The following ATF7 variants were observed in gnomAD, a reference collection of about 807,000 sequenced individuals.
ATF7 encodes cyclic AMP-dependent transcription factor ATF-7.
A neutral mutation model predicts 50.4 loss-of-function variants in ATF7; 10 were observed. The observed-to-expected ratio is 0.20, with a 90% CI of 0.12 to 0.34. ATF7 has a LOEUF of 0.34. Among genes scored for constraint, ATF7 ranks in the 10% least tolerant of loss-of-function variants. ATF7 has a pLI of 1.00. For missense variants in ATF7, 465 were observed against 613.9 expected, an observed-to-expected ratio of 0.76 and a Z score of 2.56; for synonymous variants, 201 against 226.4, an observed-to-expected ratio of 0.89 and a Z score of 1.01.
rs996066445 is a variant in ATF7 at position 53,585,146 on chromosome 12, AT to A, written c.48+15806del. 3.9e-4 allele frequency among the ~76,000 whole-genome samples: 58 copies of A among 149,236 alleles called. No homozygotes were observed. In the South Asian group the frequency reaches 0.01, roughly 26 times the overall value. On this transcript the variant is annotated intron_variant, in intron 2 of 11. Transcript: ENST00000420353. ...CATTACCACACCTGGCTAATTTTTA[AT>A]TTTTTTTTTGTAAGGATGGGGTCTC...
intron 11 of ATF7, among the ~76,000 whole-genome samples, chr12:53,521,477 AC>A (rs1565917084): frequency 6.6e-6 from 1 of 152,148 alleles, no homozygotes; most frequent in African/African-American, 2.4e-5. Flanking sequence ...TGTACCAGGT[AC>A]CTTGCGACTT....
intron 2 of ATF7, among the ~76,000 whole-genome samples, chr12:53,572,839 G>T (rs1461890499): frequency 6.7e-6 from 1 of 150,262 alleles, no homozygotes; most frequent in East Asian, 1.9e-4. Context: ...AGGCTGGAGT[G>T]CAGTGGCACA....
intron 1 of ATF7, among the ~76,000 whole-genome samples, chr12:53,611,929 G>A (rs543711295): frequency 6.6e-6 from 1 of 151,358 alleles, no homozygotes; most frequent in African/African-American, 2.5e-5. Flanking sequence ...AAAAAAAATC[G>A]GAAAGAATAT....
intron 3 of ATF7, among the ~76,000 whole-genome samples, 167 bp from the exon 4 acceptor site, chr12:53,543,615 G>A (rs957042891): frequency 6.6e-6 from 1 of 152,158 alleles, no homozygotes; most frequent in Non-Finnish European, 1.5e-5. Flanking sequence ...GGCTGGTGTA[G>A]GCCACCAGAG....
intron 2 of ATF7, among the ~76,000 whole-genome samples, chr12:53,568,267 A>G (rs1159522340): frequency 6.6e-6 from 1 of 152,196 alleles, no homozygotes; most frequent in Non-Finnish European, 1.5e-5. Flanking sequence ...TAGTACTGTA[A>G]CAGTCAAGCC....
At chr12:53,545,186 G>A (rs1300098674) in intron 3 of ATF7, among the ~76,000 whole-genome samples, 2 of 152,148 alleles carry the variant, frequency 1.3e-5, no homozygotes, top group South Asian at 4.1e-4. Flanking sequence ...AGGCTCTCCT[G>A]TGTTAAACCT....
chr12:53,576,581 T>C (rs758451988), intron 2 of ATF7, among the ~76,000 whole-genome samples: 4 of 152,192 alleles, frequency 2.6e-5, no homozygotes, highest in Non-Finnish European at 4.4e-5. Context: ...GAGGATGCTA[T>C]GTCAAGATAC....
At chr12:53,546,766 T>TC (rs1286361981) in intron 3 of ATF7, among the ~76,000 whole-genome samples, 12 of 151,246 alleles carry the variant, frequency 7.9e-5, no homozygotes, top group African/African-American at 2.7e-4. Context: ...TCTTTTTTTT[T>TC]TCTTTTTTTG....
At chr12:53,562,458 G>A (rs1286288328) in intron 2 of ATF7, among the ~76,000 whole-genome samples, 1 of 151,974 alleles carries the variant, frequency 6.6e-6, no homozygotes, top group Non-Finnish European at 1.5e-5. Context: ...TGGCCAACAT[G>A]GTGAAACCCC....
intron 2 of ATF7, among the ~76,000 whole-genome samples, chr12:53,585,880 G>T (rs576512614): frequency 1.3e-5 from 2 of 152,176 alleles, no homozygotes; most frequent in South Asian, 4.2e-4. Flanking sequence ...CTGACAAGCC[G>T]ATTACTGTCT....
At chr12:53,545,036 C>CA (rs979408402) in intron 3 of ATF7, among the ~76,000 whole-genome samples, 6 of 152,062 alleles carry the variant, frequency 3.9e-5, no homozygotes, top group African/African-American at 1.4e-4. Flanking sequence ...AGGGCATACC[C>CA]AAAATCATAA....
chr12:53,609,821 CTTTT>C (rs757421100), intron 1 of ATF7, among the ~76,000 whole-genome samples: 1 of 115,958 alleles, frequency 8.6e-6, no homozygotes, highest in Non-Finnish European at 1.7e-5. Flanking sequence ...AAATGTTATG[CTTTT>C]TTTTTTTTTT....
intron 2 of ATF7, among the ~76,000 whole-genome samples, chr12:53,572,770 G>A (rs896000271): frequency 2.0e-5 from 3 of 151,738 alleles, no homozygotes; most frequent in Non-Finnish European, 4.4e-5. Flanking sequence ...GATAGAGTGA[G>A]ACCCTGCCTC....
At chr12:53,568,912 A>T (rs192761455) in intron 2 of ATF7, among the ~76,000 whole-genome samples, 48 of 152,312 alleles carry the variant, frequency 3.2e-4, no homozygotes, top group Non-Finnish European at 5.9e-4. Context: ...TGGTAATCCC[A>T]GCTACTTGGG....
At chr12:53,586,525 AACACCTCTTTTC>A (rs1942688180) in intron 2 of ATF7, among the ~76,000 whole-genome samples, 1 of 152,208 alleles carries the variant, frequency 6.6e-6, no homozygotes, top group African/African-American at 2.4e-5. Context: ...AAACTATCTG[AACACCTCTTTTC>A]ACTTGATTCA....
chr12:53,523,928 CA>C (rs1165977814), intron 10 of ATF7, among the ~76,000 whole-genome samples: 4 of 152,054 alleles, frequency 2.6e-5, no homozygotes, highest in Admixed American at 6.6e-5. Flanking sequence ...CAGCCCTACA[CA>C]AGAACTATAA....
chr12:53,606,248 C>G (rs989282395), intron 1 of ATF7, among the ~76,000 whole-genome samples: 1 of 151,598 alleles, frequency 6.6e-6, no homozygotes, highest in East Asian at 1.9e-4. Context: ...GCAGAAAGGG[C>G]ACTTTTTTTT....
In ATF7 at chr12:53,592,069, AT is replaced by A. The variant is rs1173760260; in HGVS notation, c.48+8883del. ...TAAAAGCTTGGAATGATGGCTGGCA[AT>A]TTTAGCAGTTAGAGCAGAAGTTGGT... On this transcript the variant is annotated intron_variant, in intron 2 of 11. Transcript: ENST00000420353. Among the ~76,000 whole-genome samples, 4 of 152,338 alleles carry A rather than the reference AT, an allele frequency of 2.6e-5. No homozygotes were observed. In the East Asian group the frequency reaches 7.7e-4, roughly 29 times the overall value.
In ATF7 at chr12:53,525,456, T is replaced by G. The variant is rs192134074; in HGVS notation, c.928-695A>C. ...AGGGAGACTGTGAAATAAAAAAGTT[T>G]GAGAATCACTGATTTGGACAAGTGA... is the stretch of plus-strand genomic sequence containing the variant. On this transcript the variant is annotated intron_variant, in intron 9 of 11. Coordinates refer to ENST00000420353, the MANE Select transcript of ATF7 (RefSeq NM_006856.3). 4.1e-3 allele frequency among the ~76,000 whole-genome samples: 624 copies of G among 152,290 alleles called. 2 individuals are homozygous for G. The highest frequency in any genetic ancestry group is 7.5e-3 in the Non-Finnish European group (507 of 68,002).
Sources: allele counts gnomAD v4.1 joint callset (sites outside exome capture counted in the v4.1 genomes callset), GRCh38; gene constraint gnomAD v4.1.1; transcripts MANE v1.5; gene names NCBI Gene and HGNC (gene_info 2026-07-23, HGNC 2026-07-21).